H3-3B: variants seen among roughly 807,000 people sequenced by gnomAD.
H3-3B encodes H3.3 histone B.
A neutral mutation model predicts 13.1 loss-of-function variants in H3-3B; 2 were observed. The observed-to-expected ratio is 0.15, with a 90% CI of 0.06 to 0.48. The LOEUF is 0.48. Ranked by LOEUF, H3-3B falls within the 20% of genes least tolerant of loss-of-function variation. H3-3B has a pLI of 0.97. For synonymous variants in H3-3B, 133 were observed against 75.8 expected (o/e 1.76, Z -3.92); for missense variants, 39 against 186.0 (o/e 0.21, Z 4.60).
rs182896596 is a variant in H3-3B at position 75,778,410 on chromosome 17, G to A, written c.*185C>T. 37 of 761,176 alleles carry A rather than the reference G, an allele frequency of 4.9e-5. No individual in the cohort carries two copies. Among genetic ancestry groups the A allele is most frequent in the African/African-American group, 4.8e-4 (27 of 56,750 alleles). 47.2% of individuals were successfully genotyped at this position (761,176 alleles called of 1,614,324 possible). A position where few individuals can be genotyped will look rare whatever the true frequency, so the allele number is the denominator to read the frequency against. ...TGCATATTAGCAACTTGTCACTCCT[G>A]AGCAACAGTGCTCACATCACTGAGG... On this transcript the variant is annotated 3_prime_UTR_variant, in exon 4 of 4. Coordinates refer to ENST00000254810, the MANE Select transcript of H3-3B (RefSeq NM_005324.5).
In H3-3B at chr17:75,778,975, A is replaced by C. The variant is rs771295937; in HGVS notation, c.129-12T>G. 3.1e-6 allele frequency: 5 copies of C among 1,613,962 alleles called. No individual in the cohort carries two copies. Among genetic ancestry groups the C allele is most frequent in the East Asian group, 2.2e-5 (1 of 44,876 alleles). On this transcript the variant is annotated splice_polypyrimidine_tract_variant and intron_variant, in intron 2 of 3. Coordinates refer to ENST00000254810, the MANE Select transcript of H3-3B (RefSeq NM_005324.5). Reference sequence around the variant, plus strand: ...CCACGGTCCCGGGCCTGCAGCGAGCAGGGGAGGAGTGAGCGGACGCTGCCG... The same window carrying C: ...CCACGGTCCCGGGCCTGCAGCGAGCCGGGGAGGAGTGAGCGGACGCTGCCG...
rs1567784382 is a variant in H3-3B at position 75,777,212 on chromosome 17, T to C, written c.*1383A>G. On this transcript the variant is annotated 3_prime_UTR_variant, in exon 4 of 4. Transcript: ENST00000254810. Reference sequence around the variant, plus strand: ...GGGCTTCTACACTACGGAACGGGAGTGGGGGGGCTGAAAAGCTTATTAATA... The same window carrying C: ...GGGCTTCTACACTACGGAACGGGAGCGGGGGGGCTGAAAAGCTTATTAATA... 1 of 149,614 alleles carries C rather than the reference T, an allele frequency of 6.7e-6. No individual in the cohort carries two copies. Among genetic ancestry groups the C allele is most frequent in the Admixed American group, 6.6e-5 (1 of 15,134 alleles). The allele number at this position is 149,614 out of a possible 1,614,324, so 9.3% of individuals were successfully genotyped here.
At position 75,777,072 on chromosome 17, in the gene H3-3B, A is replaced by C. The variant is rs1428039893; in HGVS notation, c.*1523T>G. The C allele has an allele frequency of 6.6e-6, 1 of 152,208 alleles. No individual in the cohort carries two copies. The highest frequency in any genetic ancestry group is 1.5e-5 in the Non-Finnish European group (1 of 68,044). 9.4% of individuals were successfully genotyped at this position (152,208 alleles called of 1,614,324 possible). A position where few individuals can be genotyped will look rare whatever the true frequency, so the allele number is the denominator to read the frequency against. ...CTAACTTCAAACGTGGAACGCTTTG[A>C]TGACTGCTGGCTCTCATGCTGTCTC... On this transcript the variant is annotated 3_prime_UTR_variant, in exon 4 of 4. Coordinates refer to ENST00000254810, the MANE Select transcript of H3-3B (RefSeq NM_005324.5).
chr17:75,778,525 A>C lies in H3-3B; in HGVS notation c.*70T>G. 6.4e-7 allele frequency: 1 copy of C among 1,551,804 alleles called. No homozygotes were observed. On this transcript the variant is annotated 3_prime_UTR_variant, in exon 4 of 4. Transcript: ENST00000254810. ...AACATATTATAAACAATTTCTTACA[A>C]AAAAAGTCACAAATTAAACCAAAGT...
At chr17:75,779,007 G>A in intron 2 of H3-3B, 40 bp downstream of exon 2, 3 of 1,612,302 alleles carry the variant, frequency 1.9e-6, no homozygotes, top group Non-Finnish European at 2.5e-6. Flanking sequence ...GCCGCACAAA[G>A]CCGGCCACCG....
chr17:75,779,019 C>G (rs771242574), intron 2 of H3-3B, 28 bp downstream of exon 2: 2 of 1,611,834 alleles, frequency 1.2e-6, no homozygotes, highest in Admixed American at 3.3e-5. Context: ...CGGCCACCGC[C>G]GGGCCATTGT....
chr17:75,778,758 TC>T (rs764805226), intron 3 of H3-3B, 35 bp from the exon 4 acceptor site: 1 of 1,614,090 alleles, frequency 6.2e-7, no homozygotes, highest in Non-Finnish European at 8.5e-7. Context: ...TTAATCCCAC[TC>T]GGGGAGCGGA....
chr17:75,779,013 C>T, intron 2 of H3-3B, 34 bp downstream of exon 2: 1 of 1,612,080 alleles, frequency 6.2e-7, no homozygotes, highest in Admixed American at 1.7e-5. Flanking sequence ...CAAAGCCGGC[C>T]ACCGCCGGGC....
chr17:75,778,900 C>T lies in H3-3B; in HGVS notation c.192G>A (p.Arg64=), dbSNP rs896000081. Residue 64 remains arginine, a synonymous_variant, in exon 3 of 4, where the codon CGG becomes CGA. Coordinates refer to ENST00000254810, the MANE Select transcript of H3-3B (RefSeq NM_005324.5). Reference sequence around the variant, plus strand: ...TCACCAACCTCTGGAAGGGCAGCTTCCGGATGAGCAGCTCGGTCGACTTCT... The same window carrying T: ...TCACCAACCTCTGGAAGGGCAGCTTTCGGATGAGCAGCTCGGTCGACTTCT... ...RYQKSTELLI[R]KLPFQRLVRE... 6.2e-7 allele frequency: 1 copy of T among 1,614,188 alleles called. No individual in the cohort carries two copies. Among genetic ancestry groups the T allele is most frequent in the Non-Finnish European group, 8.5e-7 (1 of 1,180,036 alleles).
At position 75,779,052 on chromosome 17, in the gene H3-3B, G is replaced by A. The variant is rs767833460; in HGVS notation, c.123C>T (p.Arg41=). 5 of 1,609,200 alleles carry A rather than the reference G, an allele frequency of 3.1e-6. No homozygotes were observed. Among genetic ancestry groups the A allele is most frequent in the East Asian group, 2.2e-5 (1 of 44,796 alleles). The change falls in exon 2 of 4, where the codon CGC becomes CGT. Residue 41 remains arginine (R), a synonymous_variant. Coordinates refer to ENST00000254810, the MANE Select transcript of H3-3B (RefSeq NM_005324.5). ...PSTGGVKKPH[R]YRPGTVALRE... ...TGTTCCCCCGCCCGACCTACCTGTA[G>A]CGATGAGGCTTCTTCACCCCGCCGG...
rs1157747342 is a variant in H3-3B at position 75,778,037 on chromosome 17, T to G, written c.*558A>C. The G allele has an allele frequency of 6.5e-6, 1 of 152,706 alleles. No individual in the cohort carries two copies. The highest frequency in any genetic ancestry group is 1.5e-5 in the Non-Finnish European group (1 of 68,090). The allele number at this position is 152,706 out of a possible 1,614,324, so 9.5% of individuals were successfully genotyped here. The stretch of plus-strand genomic sequence containing the variant: ...CCCACCACTTGTGAATGTAAAACAT[T>G]TAATTTAAAAATGTTGATACTACAA... On this transcript the variant is annotated 3_prime_UTR_variant, in exon 4 of 4. Coordinates refer to ENST00000254810, the MANE Select transcript of H3-3B (RefSeq NM_005324.5).
rs568882617 is a variant in H3-3B at position 75,778,906 on chromosome 17, G to T, written c.186C>A (p.Leu62=). ...IRRYQKSTEL[L]IRKLPFQRLV... ...ACCTCTGGAAGGGCAGCTTCCGGAT[G>T]AGCAGCTCGGTCGACTTCTGATAAC... The change falls in exon 3 of 4, where the codon CTC becomes CTA. Residue 62 remains leucine (L), a synonymous_variant. Coordinates refer to ENST00000254810, the MANE Select transcript of H3-3B (RefSeq NM_005324.5). 3 of 1,614,186 alleles carry T rather than the reference G, an allele frequency of 1.9e-6. No individual in the cohort carries two copies. Among genetic ancestry groups the T allele is most frequent in the Non-Finnish European group, 2.5e-6 (3 of 1,180,034 alleles).
Position 75,778,584 on chromosome 17 carries a change from A to G in H3-3B, c.*11T>C, listed in dbSNP as rs781596034. 3 of 1,604,178 alleles carry G rather than the reference A, an allele frequency of 1.9e-6. No homozygotes were observed. The highest frequency in any genetic ancestry group is 1.7e-6 in the Non-Finnish European group (2 of 1,176,120). Reference sequence around the variant, plus strand: ...GAATTTACTACAAAACGCCATAAAAACTGCCTTCACTTAAGCTCTCTCTCC... The same window carrying G: ...GAATTTACTACAAAACGCCATAAAAGCTGCCTTCACTTAAGCTCTCTCTCC... On this transcript the variant is annotated 3_prime_UTR_variant, in exon 4 of 4. Coordinates refer to ENST00000254810, the MANE Select transcript of H3-3B (RefSeq NM_005324.5).
Position 75,777,369 on chromosome 17 carries a change from TG to T in H3-3B, c.*1225del, listed in dbSNP as rs1325574398. On this transcript the variant is annotated 3_prime_UTR_variant, in exon 4 of 4. Transcript: ENST00000254810. ...TTTATCCACCAAACAACACCTGAAA[TG>T]ATCTAAGTTCAAAACATTAGTATAC... 11 of 152,618 alleles carry T rather than the reference TG, an allele frequency of 7.2e-5. No individual in the cohort carries two copies. The highest frequency in any genetic ancestry group is 1.6e-4 in the Non-Finnish European group (11 of 68,038). 9.5% of individuals were successfully genotyped at this position (152,618 alleles called of 1,614,324 possible).
At position 75,777,227 on chromosome 17, in the gene H3-3B, G is replaced by C. The variant is rs1004110816; in HGVS notation, c.*1368C>G. 4.7e-5 allele frequency: 7 copies of C among 148,178 alleles called. No individual in the cohort carries two copies. Among genetic ancestry groups the C allele is most frequent in the Non-Finnish European group, 2.9e-5 (2 of 67,928 alleles). The allele number at this position is 148,178 out of a possible 1,614,324, so 9.2% of individuals were successfully genotyped here. A position where few individuals can be genotyped will look rare whatever the true frequency, so the allele number is the denominator to read the frequency against. On this transcript the variant is annotated 3_prime_UTR_variant, in exon 4 of 4. Transcript: ENST00000254810. ...GGAACGGGAGTGGGGGGGCTGAAAA[G>C]CTTATTAATATACTTTGTCTTAGCC...
chr17:75,779,343 C>T, intron 1 of H3-3B, 159 bp from the exon 2 acceptor site: 1 of 712,076 alleles, frequency 1.4e-6, no homozygotes, highest in Non-Finnish European at 2.0e-6. Context: ...ACCTCCTCCC[C>T]CTCCCCTAAT....
rs545351800 is a variant in H3-3B at position 75,778,050 on chromosome 17, G to C, written c.*545C>G. 5 of 152,454 alleles carry C rather than the reference G, an allele frequency of 3.3e-5. No homozygotes were observed. The South Asian group carries it at 1.0e-3, about 31-fold the overall frequency. 9.4% of individuals were successfully genotyped at this position (152,454 alleles called of 1,614,324 possible). On this transcript the variant is annotated 3_prime_UTR_variant, in exon 4 of 4. Coordinates refer to ENST00000254810, the MANE Select transcript of H3-3B (RefSeq NM_005324.5). ...AATGTAAAACATTTAATTTAAAAAT[G>C]TTGATACTACAATATATAAAATAGC...
chr17:75,776,840 G>A lies in H3-3B; in HGVS notation c.*1755C>T, dbSNP rs2061639840. On this transcript the variant is annotated 3_prime_UTR_variant, in exon 4 of 4. Coordinates refer to ENST00000254810, the MANE Select transcript of H3-3B (RefSeq NM_005324.5). ...CAACATCTGATCTTAATCTCATTCTGAAGCACAGTGAGGAATCAAGTGTGC... is the reference window on the plus strand; with the variant it reads ...CAACATCTGATCTTAATCTCATTCTAAAGCACAGTGAGGAATCAAGTGTGC... 1 of 152,124 alleles carries A rather than the reference G, an allele frequency of 6.6e-6. No individual in the cohort carries two copies. Among genetic ancestry groups the A allele is most frequent in the African/African-American group, 2.4e-5 (1 of 41,404 alleles). The allele number at this position is 152,124 out of a possible 1,614,324, so 9.4% of individuals were successfully genotyped here.
chr17:75,776,754 C>G lies in H3-3B; in HGVS notation c.*1841G>C, dbSNP rs150303133. The G allele has an allele frequency of 2.6e-5, 4 of 152,208 alleles. No homozygotes were observed. The highest frequency in any genetic ancestry group is 9.7e-5 in the African/African-American group (4 of 41,418). 9.4% of individuals were successfully genotyped at this position (152,208 alleles called of 1,614,324 possible). ...GTCACAGGTAGTAAGCAGAAGCTAA[C>G]TCATCACCGTAGCCAGGTTTGTGTA... On this transcript the variant is annotated 3_prime_UTR_variant, in exon 4 of 4. Coordinates refer to ENST00000254810, the MANE Select transcript of H3-3B (RefSeq NM_005324.5).
Sources: gnomAD v4.1 joint callset for allele counts on GRCh38, gnomAD v4.1.1 for gene constraint, MANE v1.5 for transcripts, NCBI Gene and HGNC (gene_info 2026-07-23, HGNC 2026-07-21) for gene names.